The following NCK2 variants were observed in gnomAD, a reference collection of about 807,000 sequenced individuals.
NCK2 encodes the protein cytoplasmic protein NCK2.
Under a neutral mutation model 33.9 loss-of-function variants are expected in NCK2, and 16 were observed. The ratio of observed to expected loss-of-function variants is 0.47; its 90% CI spans 0.32 to 0.72. NCK2 has a LOEUF of 0.72. Among genes scored for constraint, NCK2 ranks in the 30% least tolerant of loss-of-function variants. NCK2 has a pLI of 0.03. For synonymous variants in NCK2, 273 were observed against 239.9 expected (o/e 1.14, Z -1.27); for missense variants, 418 against 537.3 (o/e 0.78, Z 2.19).
At chr2:105,807,303 G>A (rs189397288) in intron 1 of NCK2, among the ~76,000 whole-genome samples, 2 of 152,304 alleles carry the variant, frequency 1.3e-5, no homozygotes, top group East Asian at 3.9e-4. Context: ...ATCACACCCA[G>A]GTGCTCTCCT....
rs1573543341 is a variant in NCK2 at position 105,745,157 on chromosome 2, G to A, written c.-201+19G>A. ...CGGCGAGGTAAGCGCGGCTAGGCGGGCGTGGGGCGGGGGCCACAAACTTGG... is the reference window on the plus strand; with the variant it reads ...CGGCGAGGTAAGCGCGGCTAGGCGGACGTGGGGCGGGGGCCACAAACTTGG... On this transcript the variant is annotated intron_variant, in intron 1 of 4. Coordinates refer to ENST00000233154, the MANE Select transcript of NCK2 (RefSeq NM_003581.5). 1 of 150,030 alleles carries A rather than the reference G, an allele frequency of 6.7e-6. No homozygotes were observed. The highest frequency in any genetic ancestry group is 1.5e-5 in the Non-Finnish European group (1 of 67,342). 9.3% of individuals were successfully genotyped at this position (150,030 alleles called of 1,614,324 possible).
At chr2:105,744,527 G>A (rs1558817054), upstream of NCK2, among the ~76,000 whole-genome samples, 2 of 152,106 alleles carry the variant, frequency 1.3e-5, no homozygotes, top group African/African-American at 4.8e-5. Context: ...GCTGGAAGTT[G>A]CCGTCTGTGT....
At chr2:105,751,622 T>TATA (rs1689459318) in intron 1 of NCK2, among the ~76,000 whole-genome samples, 1 of 152,212 alleles carries the variant, frequency 6.6e-6, no homozygotes, top group Non-Finnish European at 1.5e-5. Flanking sequence ...AAACTAAGTT[T>TATA]ATAATCAGTT....
intron 3 of NCK2, among the ~76,000 whole-genome samples, chr2:105,879,106 A>G (rs1393423139): frequency 1.3e-5 from 2 of 152,172 alleles, no homozygotes; most frequent in Non-Finnish European, 2.9e-5. Context: ...CTTTATCTTC[A>G]TGGCCTGATG....
intron 2 of NCK2, among the ~76,000 whole-genome samples, chr2:105,845,388 A>C (rs1462298922): frequency 9.8e-6 from 1 of 102,436 alleles, no homozygotes; most frequent in East Asian, 3.0e-4. Context: ...CATGACATTT[A>C]TATTTTGAAT....
At chr2:105,880,414 A>G (rs1678423362) in intron 3 of NCK2, among the ~76,000 whole-genome samples, 1 of 152,200 alleles carries the variant, frequency 6.6e-6, no homozygotes, top group African/African-American at 2.4e-5. Context: ...GCTGTTTTGA[A>G]AGAAGAGAAG....
intron 2 of NCK2, among the ~76,000 whole-genome samples, chr2:105,844,653 C>G (rs527550699): frequency 1.3e-5 from 2 of 149,560 alleles, no homozygotes; most frequent in East Asian, 3.9e-4. Flanking sequence ...CAGAATTGCT[C>G]GAACCCAGGA....
intron 2 of NCK2, among the ~76,000 whole-genome samples, chr2:105,820,224 A>G (rs940278259): frequency 2.6e-5 from 4 of 152,232 alleles, no homozygotes; most frequent in African/African-American, 7.2e-5. Context: ...CATTCAGACA[A>G]TACTGGCTTG....
chr2:105,835,406 C>CGTGTATATATAT (rs1558861988), intron 2 of NCK2, among the ~76,000 whole-genome samples: 353 of 23,754 alleles, frequency 0.015, 35 homozygotes, highest in Middle Eastern at 0.1. Flanking sequence ...TATATATATA[C>CGTGTATATATAT]GTGTATATAT....
chr2:105,862,080 C>T (rs1261534643), intron 3 of NCK2, among the ~76,000 whole-genome samples: 1 of 152,136 alleles, frequency 6.6e-6, no homozygotes, highest in Admixed American at 6.5e-5. Flanking sequence ...TAGGGTTAGC[C>T]TGCATAAATA....
intron 1 of NCK2, among the ~76,000 whole-genome samples, chr2:105,787,663 C>A (rs1188326403): frequency 6.6e-6 from 1 of 152,130 alleles, no homozygotes; most frequent in Non-Finnish European, 1.5e-5. Flanking sequence ...TCTCTCCCTG[C>A]GGTGGAGACT....
chr2:105,750,377 C>G lies in NCK2; in HGVS notation c.-201+5239C>G, dbSNP rs114031547. ...AATTGCCTCCTGAAGCGTCCTGTCT[C>G]CAAATATAGTCACTTAGGGGTTAGG... On this transcript the variant is annotated intron_variant, in intron 1 of 4. Transcript: ENST00000233154. Among the ~76,000 whole-genome samples, 622 of 152,272 alleles carry G rather than the reference C, an allele frequency of 4.1e-3. 2 individuals are homozygous for G. The highest frequency in any genetic ancestry group is 0.014 in the African/African-American group (569 of 41,556).
intron 2 of NCK2, among the ~76,000 whole-genome samples, chr2:105,853,435 A>G (rs1222149232): frequency 6.6e-6 from 1 of 152,112 alleles, no homozygotes; most frequent in African/African-American, 2.4e-5. Context: ...GATGTTGCAC[A>G]TTTTATAGAT....
intron 3 of NCK2, 44 bp from the exon 4 acceptor site, chr2:105,881,283 GT>G (rs780761768): frequency 6.5e-7 from 1 of 1,537,906 alleles, no homozygotes; most frequent in Non-Finnish European, 8.7e-7. Context: ...GAGTGTGGTG[GT>G]GCCCAAGTGC....
At chr2:105,850,050 T>C (rs1340704871) in intron 2 of NCK2, among the ~76,000 whole-genome samples, 1 of 152,138 alleles carries the variant, frequency 6.6e-6, no homozygotes, top group African/African-American at 2.4e-5. Flanking sequence ...TATTCATGTC[T>C]CTCCTGAGCA....
intron 3 of NCK2, among the ~76,000 whole-genome samples, chr2:105,869,935 T>C (rs1677930135): frequency 6.6e-6 from 1 of 152,186 alleles, no homozygotes; most frequent in Admixed American, 6.5e-5. Context: ...GGTTTAAATA[T>C]TCTATCATTT....
chr2:105,882,195 T>C (rs1678534906), intron 4 of NCK2, 146 bp downstream of exon 4: 3 of 987,732 alleles, frequency 3.0e-6, no homozygotes, highest in Non-Finnish European at 2.6e-6. Context: ...TAATGTTTGC[T>C]ACTCCGTGAT....
intron 2 of NCK2, among the ~76,000 whole-genome samples, chr2:105,838,476 A>C (rs998856788): frequency 2.6e-5 from 4 of 152,170 alleles, no homozygotes; most frequent in African/African-American, 9.7e-5. Flanking sequence ...ATGAATATTT[A>C]TGTATACTCC....
chr2:105,776,996 A>C (rs1242340090), intron 1 of NCK2, among the ~76,000 whole-genome samples: 1 of 151,688 alleles, frequency 6.6e-6, no homozygotes, highest in Non-Finnish European at 1.5e-5. Flanking sequence ...GGACAGCCAA[A>C]GGCATCTTCC....
Sources: allele counts gnomAD v4.1 joint callset (sites outside exome capture counted in the v4.1 genomes callset), GRCh38; gene constraint gnomAD v4.1.1; transcripts MANE v1.5; gene names NCBI Gene and HGNC (gene_info 2026-07-23, HGNC 2026-07-21).